TYRP1: variants seen among roughly 807,000 people sequenced by gnomAD.
The protein encoded by TYRP1 is 5,6-dihydroxyindole-2-carboxylic acid oxidase.
In TYRP1, 49 loss-of-function variants were observed where a neutral mutation model predicts 42.8. The ratio of observed to expected loss-of-function variants is 1.14; its 90% CI spans 0.91 to 1.45. The LOEUF is 1.45. Among genes scored for constraint, TYRP1 ranks in the 40% most tolerant of loss-of-function variants. The pLI, the probability that TYRP1 is intolerant of heterozygous loss-of-function variation, is 0.00. For synonymous variants in TYRP1, 279 were observed against 235.4 expected (o/e 1.19, Z -1.69); for missense variants, 848 against 662.0 (o/e 1.28, Z -3.08).
rs779001026 is a variant in TYRP1, at chr9:12,708,047, T to C, written c.1312T>C (p.Tyr438His). The change falls in exon 7 of 8, where the codon TAC (tyrosine) becomes CAC (histidine). Residue 438 changes from tyrosine (Y) to histidine (H), a missense_variant. Physicochemically the swap from Tyr to His is moderately conservative, Grantham distance 83. Coordinates refer to ENST00000388918, the MANE Select transcript of TYRP1 (RefSeq NM_000550.3). ...ENAPIGHNRQ[Y>H]NMVPFWPPVT... ...TGCCCCTATTGGACATAATAGACAA[T>C]ACAACATGGTGCCATTCTGGCCCCC... The C allele has an allele frequency of 4.3e-6, 7 of 1,612,628 alleles. 1 individual carries two copies. The South Asian group carries it at 4.4e-5, about 10-fold the overall frequency.
At chr9:12,697,495 T>C (rs1052045687) in intron 3 of TYRP1, among the ~76,000 whole-genome samples, 2 of 152,082 alleles carry the variant, frequency 1.3e-5, no homozygotes. Flanking sequence ...GGAAAGCTTT[T>C]GGCTCTCTAA....
In TYRP1 at chr9:12,695,394, T is replaced by C; in HGVS notation, c.386-121T>C. The stretch of plus-strand genomic sequence containing the variant: ...GGATATTTTTAAAAGTGTAAAATAA[T>C]TTAAAACACATTTGAACAGATGGAT... On this transcript the variant is annotated intron_variant, in intron 2 of 7. Coordinates refer to ENST00000388918, the MANE Select transcript of TYRP1 (RefSeq NM_000550.3). 3.3e-6 allele frequency: 3 copies of C among 902,472 alleles called. No individual in the cohort carries two copies. In the East Asian group the frequency reaches 7.8e-5, roughly 24 times the overall value. The allele number at this position is 902,472 out of a possible 1,614,324, so 55.9% of individuals were successfully genotyped here. A position where few individuals can be genotyped will look rare whatever the true frequency, so the allele number is the denominator to read the frequency against.
chr9:12,699,473 A>G (rs938688912), intron 4 of TYRP1, among the ~76,000 whole-genome samples: 3 of 151,994 alleles, frequency 2.0e-5, no homozygotes, highest in Non-Finnish European at 2.9e-5. Context: ...AGTTATGTGA[A>G]TTTGTTTTCT....
At chr9:12,704,990 A>G (rs1586845974) in intron 6 of TYRP1, among the ~76,000 whole-genome samples, 1 of 152,004 alleles carries the variant, frequency 6.6e-6, no homozygotes. Context: ...ATGTTTCACA[A>G]ATTGTTCTTA....
chr9:12,707,888 T>G, intron 6 of TYRP1, 109 bp from the exon 7 acceptor site: 1 of 1,059,050 alleles, frequency 9.4e-7, no homozygotes, highest in Non-Finnish European at 1.4e-6. Flanking sequence ...AAAATAAGAA[T>G]AAAATTTTTT....
chr9:12,693,818 T>G, intron 1 of TYRP1, 94 bp from the exon 2 acceptor site: 1 of 695,666 alleles, frequency 1.4e-6, no homozygotes, highest in Non-Finnish European at 2.4e-6. Context: ...ATTTTACATA[T>G]GGGTTCCATT....
intron 5 of TYRP1, among the ~76,000 whole-genome samples, chr9:12,703,351 T>A (rs1818204221): frequency 6.6e-6 from 1 of 151,954 alleles, no homozygotes; most frequent in Non-Finnish European, 1.5e-5. Flanking sequence ...CTCAAAATTA[T>A]ATGCCATATT....
Position 12,698,111 on chromosome 9 carries a change from G to A in TYRP1, c.709-340G>A, listed in dbSNP as rs1227132139. On this transcript the variant is annotated intron_variant, in intron 3 of 7. Coordinates refer to ENST00000388918, the MANE Select transcript of TYRP1 (RefSeq NM_000550.3). ...AAGGTGGAAATGCCAAGAAGTGGAT[G>A]TTGTTATTGATAACTTTTTTGTATA... Among the ~76,000 whole-genome samples, 3 of 151,888 alleles carry A rather than the reference G, an allele frequency of 2.0e-5. No homozygotes were observed. In the East Asian group the frequency reaches 5.8e-4, roughly 29 times the overall value.
intron 3 of TYRP1, among the ~76,000 whole-genome samples, chr9:12,698,189 C>T (rs1818107011): frequency 6.6e-6 from 1 of 151,954 alleles, no homozygotes; most frequent in Non-Finnish European, 1.5e-5. Context: ...ACCCTTTATC[C>T]CTTTAAATCA....
chr9:12,694,520 G>A (rs1818046538), intron 2 of TYRP1, 139 bp downstream of exon 2: 1 of 1,122,298 alleles, frequency 8.9e-7, no homozygotes, highest in African/African-American at 1.6e-5. Context: ...GGAAACTGAG[G>A]CTTAGAAAGG....
intron 7 of TYRP1, 85 bp from the exon 8 acceptor site, chr9:12,708,892 G>A: frequency 8.1e-7 from 1 of 1,230,892 alleles, no homozygotes; most frequent in Non-Finnish European, 1.2e-6. Flanking sequence ...TGTTAAAATA[G>A]ACATTTCTAA....
chr9:12,704,424 C>A (rs1046902848), intron 5 of TYRP1, 102 bp from the exon 6 acceptor site: 2 of 1,355,598 alleles, frequency 1.5e-6, no homozygotes, highest in South Asian at 1.2e-5. Context: ...ATTGGCCTGA[C>A]GAGCCTTGAA....
rs1454852998 is a variant in TYRP1 at position 12,709,803 on chromosome 9, C to CTT, written c.*623_*624dup. 1 of 152,842 alleles carries CTT rather than the reference C, an allele frequency of 6.5e-6. No homozygotes were observed. Among genetic ancestry groups the CTT allele is most frequent in the Non-Finnish European group, 1.5e-5 (1 of 68,600 alleles). 9.5% of individuals were successfully genotyped at this position (152,842 alleles called of 1,614,324 possible). A position where few individuals can be genotyped will look rare whatever the true frequency, so the allele number is the denominator to read the frequency against. Reference sequence around the variant, plus strand: ...AACAAAAATCACCATCTTTGTCAAACTTTGGAGAGGGAAAATCTTCACTTT... The same window carrying CTT: ...AACAAAAATCACCATCTTTGTCAAACTTTTTGGAGAGGGAAAATCTTCACTTT... On this transcript the variant is annotated 3_prime_UTR_variant, in exon 8 of 8. Coordinates refer to ENST00000388918, the MANE Select transcript of TYRP1 (RefSeq NM_000550.3).
chr9:12,694,159 C>G lies in TYRP1; in HGVS notation c.163C>G (p.Arg55Gly). The G allele has an allele frequency of 6.2e-7, 1 of 1,613,976 alleles. No homozygotes were observed. Among genetic ancestry groups the G allele is most frequent in the Non-Finnish European group, 8.5e-7 (1 of 1,180,002 alleles). Residue 55 changes from arginine to glycine, a missense_variant, in exon 2 of 8, where the codon CGC becomes GGC. Physicochemically the swap from Arg to Gly is moderately radical, Grantham distance 125. Transcript: ENST00000388918. ...LSPVSGPGTD[R>G]CGSSSGRGRC... ...CCCTGTGTCTGGGCCTGGGACAGAC[C>G]GCTGTGGCTCATCATCAGGGAGGGG...
At position 12,694,231 on chromosome 9, in the gene TYRP1, T is replaced by C; in HGVS notation, c.235T>C (p.Tyr79His). ...TADSRPHSPQ[Y>H]PHDGRDDREV... ...AGACTCCCGGCCCCACAGCCCTCAG[T>C]ATCCCCATGATGGCAGAGATGATCG... The change falls in exon 2 of 8, where the codon TAT becomes CAT. Residue 79 changes from tyrosine to histidine, a missense_variant. Physicochemically the swap from Tyr to His is moderately conservative, Grantham distance 83. Coordinates refer to ENST00000388918, the MANE Select transcript of TYRP1 (RefSeq NM_000550.3). 6.2e-7 allele frequency: 1 copy of C among 1,613,792 alleles called. No individual in the cohort carries two copies. The highest frequency in any genetic ancestry group is 2.2e-5 in the East Asian group (1 of 44,812).
At chr9:12,697,848 T>C (rs906224067) in intron 3 of TYRP1, among the ~76,000 whole-genome samples, 14 of 152,286 alleles carry the variant, frequency 9.2e-5, no homozygotes, top group African/African-American at 2.9e-4. Flanking sequence ...GGCAGAAGCC[T>C]GAGTCTTAAA....
intron 3 of TYRP1, among the ~76,000 whole-genome samples, chr9:12,697,085 C>T (rs1818090656): frequency 6.6e-6 from 1 of 152,094 alleles, no homozygotes; most frequent in Non-Finnish European, 1.5e-5. Flanking sequence ...TATTTTATAG[C>T]TCTGATTGCA....
At position 12,709,614 on chromosome 9, in the gene TYRP1, A is replaced by AGAT. The variant is rs1370835560; in HGVS notation, c.*433_*435dup. Reference sequence around the variant, plus strand: ...TTTCCATTCATGGATATTTGTCAACAGATTTAAAGAAAACCACAGTTATTA... The same window carrying AGAT: ...TTTCCATTCATGGATATTTGTCAACAGATGATTTAAAGAAAACCACAGTTATTA... On this transcript the variant is annotated 3_prime_UTR_variant, in exon 8 of 8. Coordinates refer to ENST00000388918, the MANE Select transcript of TYRP1 (RefSeq NM_000550.3). The AGAT allele has an allele frequency of 3.4e-5, 6 of 176,796 alleles. No individual in the cohort carries two copies. The highest frequency in any genetic ancestry group is 2.2e-4 in the Admixed American group (4 of 18,136). The allele number at this position is 176,796 out of a possible 1,614,324, so 11.0% of individuals were successfully genotyped here. A position where few individuals can be genotyped will look rare whatever the true frequency, so the allele number is the denominator to read the frequency against.
chr9:12,693,980 C>G lies in TYRP1; in HGVS notation c.-17C>G. 5 of 1,613,688 alleles carry G rather than the reference C, an allele frequency of 3.1e-6. No individual in the cohort carries two copies. Among genetic ancestry groups the G allele is most frequent in the Non-Finnish European group, 4.2e-6 (5 of 1,179,978 alleles). ...CTGCAAACCAGGTCTTTGTTTTGCA[C>G]TCTTATTTCAAGCAGAATGAGTGCT... On this transcript the variant is annotated 5_prime_UTR_variant, in exon 2 of 8. Coordinates refer to ENST00000388918, the MANE Select transcript of TYRP1 (RefSeq NM_000550.3).
Sources: gnomAD v4.1 joint callset for allele counts (sites outside exome capture counted in the v4.1 genomes callset) on GRCh38, gnomAD v4.1.1 for gene constraint, MANE v1.5 for transcripts, NCBI Gene and HGNC (gene_info 2026-07-23, HGNC 2026-07-21) for gene names.